Variants in CAND2 observed in about 807,000 individuals in gnomAD.
The protein encoded by CAND2 is cullin associated and neddylation dissociated 2 (putative).
Under a neutral mutation model 98.9 loss-of-function variants are expected in CAND2, and 62 were observed. That is an observed-to-expected ratio of 0.63 (90% CI 0.51 to 0.77). The LOEUF is 0.77. CAND2 is among the 30% of genes least tolerant of loss of function. The pLI is 0.00. For synonymous variants in CAND2, 770 were observed against 731.9 expected, an observed-to-expected ratio of 1.05 and a Z score of -0.84; for missense variants, 1,501 against 1,655.2, an observed-to-expected ratio of 0.91 and a Z score of 1.62.
chr3:12,822,578 C>T (rs562123486), intron 11 of CAND2, among the ~76,000 whole-genome samples: 4 of 152,144 alleles, frequency 2.6e-5, no homozygotes, highest in African/African-American at 4.8e-5. Context: ...GGATTCCAGA[C>T]GTGAGCCCCC....
At chr3:12,826,997 A>AT (rs1014399062) in intron 12 of CAND2, among the ~76,000 whole-genome samples, 6 of 151,934 alleles carry the variant, frequency 3.9e-5, no homozygotes, top group African/African-American at 9.7e-5. Context: ...TGCCCGGCTA[A>AT]TTTTTTTGTA....
In CAND2 at chr3:12,817,317, C is replaced by G. The variant is rs1167009704; in HGVS notation, c.2385C>G (p.Gly795=). Residue 795 remains glycine (G), a synonymous_variant, in exon 10 of 15, where the codon GGC becomes GGG. Coordinates refer to ENST00000456430, the MANE Select transcript of CAND2 (RefSeq NM_001162499.2). The part of the protein sequence containing the change: ...VYEQAVDGGP[G]LHKQVFHSLA... ...AGCAGGCTGTGGATGGTGGGCCTGGCCTGCACAAGCAGGTGTTCCACTCAT... is the reference window on the plus strand; with the variant it reads ...AGCAGGCTGTGGATGGTGGGCCTGGGCTGCACAAGCAGGTGTTCCACTCAT... 6.2e-7 allele frequency: 1 copy of G among 1,613,910 alleles called. No homozygotes were observed. The highest frequency in any genetic ancestry group is 1.3e-5 in the African/African-American group (1 of 75,068).
rs138301178 is a variant in CAND2 at position 12,821,212 on chromosome 3, C to T, written c.3040+1031C>T. Among the ~76,000 whole-genome samples the T allele has an allele frequency of 6.4e-3, 907 of 142,372 alleles. 8 individuals are homozygous for T. Among genetic ancestry groups the T allele is most frequent in the African/African-American group, 0.023 (857 of 37,220 alleles). The allele number at this position is 142,372 out of a possible 152,430, so 93.4% of individuals were successfully genotyped here. On this transcript the variant is annotated intron_variant, in intron 11 of 14. Coordinates refer to ENST00000456430, the MANE Select transcript of CAND2 (RefSeq NM_001162499.2). ...TTGCACCACTGCACTCTAGCCTGGG[C>T]GACAGAGCAAGACTCCGTCTCAAAA... is the stretch of plus-strand genomic sequence containing the variant.
rs1370091044 is a variant in CAND2 at position 12,815,579 on chromosome 3, C to T, written c.1299+146C>T. 1.1e-6 allele frequency: 1 copy of T among 910,888 alleles called. No individual in the cohort carries two copies. Among genetic ancestry groups the T allele is most frequent in the African/African-American group, 1.7e-5 (1 of 59,374 alleles). The allele number at this position is 910,888 out of a possible 1,614,324, so 56.4% of individuals were successfully genotyped here. ...GGTCCCTGGGGTGGGGGGCGGGAGC[C>T]AGCCAGGCTTCTGGAGTGTAGTAGT... On this transcript the variant is annotated intron_variant, in intron 8 of 14. Coordinates refer to ENST00000456430, the MANE Select transcript of CAND2 (RefSeq NM_001162499.2). This position sits in a 1 kb window ranked among gnomAD's most constrained non-coding sequence, Gnocchi z 5.7.
At chr3:12,798,711 C>T (rs1368049966) in intron 1 of CAND2, among the ~76,000 whole-genome samples, 1 of 152,200 alleles carries the variant, frequency 6.6e-6, no homozygotes, top group East Asian at 1.9e-4. Flanking sequence ...CCCGAGAAGC[C>T]CTTTCAGCCT....
chr3:12,809,035 C>A (rs1304019103), intron 4 of CAND2, among the ~76,000 whole-genome samples: 1 of 152,076 alleles, frequency 6.6e-6, no homozygotes, highest in Non-Finnish European at 1.5e-5. Flanking sequence ...GGGGATTGAA[C>A]AGGCAGGGGA....
rs1281678168 is a variant in CAND2, at chr3:12,834,173, G to A, written c.*191G>A. The A allele has an allele frequency of 6.7e-6, 4 of 598,374 alleles. No individual in the cohort carries two copies. The highest frequency in any genetic ancestry group is 8.9e-6 in the Non-Finnish European group (3 of 336,994). 37.1% of individuals were successfully genotyped at this position (598,374 alleles called of 1,614,324 possible). ...CTCAAAGGCCCCCAGCCCAAGCTGT[G>A]AGGCTGCCAACAGTTGGGCCCCTTC... On this transcript the variant is annotated 3_prime_UTR_variant, in exon 15 of 15. Transcript: ENST00000456430.
intron 11 of CAND2, among the ~76,000 whole-genome samples, chr3:12,821,049 C>A (rs1479693285): frequency 6.6e-6 from 1 of 152,128 alleles, no homozygotes; most frequent in Non-Finnish European, 1.5e-5. Context: ...GCCTGGCCAA[C>A]ACGGTGAAAC....
At chr3:12,812,219 A>ATTTTTTTTTTTT (rs1575768881) in intron 5 of CAND2, among the ~76,000 whole-genome samples, 68 of 45,600 alleles carry the variant, frequency 1.5e-3, no homozygotes, top group Non-Finnish European at 2.1e-3. Context: ...TAAGCTGTTT[A>ATTTTTTTTTTTT]TCTTTTTTTT....
rs1312741117 is a variant in CAND2, at chr3:12,813,436, G to A, written c.1006+48G>A. 6.3e-6 allele frequency: 10 copies of A among 1,576,062 alleles called. No homozygotes were observed. In the East Asian group the frequency reaches 2.2e-4, roughly 35 times the overall value. On this transcript the variant is annotated intron_variant, in intron 7 of 14. Coordinates refer to ENST00000456430, the MANE Select transcript of CAND2 (RefSeq NM_001162499.2). Reference sequence around the variant, plus strand: ...GGGTTGGAGGGTGGAGGTGAACACAGCCTTCCTGGGATCCCCCAACCAAAG... The same window carrying A: ...GGGTTGGAGGGTGGAGGTGAACACAACCTTCCTGGGATCCCCCAACCAAAG...
chr3:12,832,324 CT>C (rs540730088), intron 14 of CAND2: 2 of 152,166 alleles, frequency 1.3e-5, no homozygotes, highest in Non-Finnish European at 2.9e-5. Context: ...CAAAAAAACA[CT>C]TCTACAGGGC....
At chr3:12,824,714 C>T (rs987101138) in intron 11 of CAND2, among the ~76,000 whole-genome samples, 1 of 152,124 alleles carries the variant, frequency 6.6e-6, no homozygotes, top group African/African-American at 2.4e-5. Flanking sequence ...TCGAGACCAG[C>T]CTGGCCAACA....
intron 1 of CAND2, among the ~76,000 whole-genome samples, chr3:12,798,023 A>G (rs2061738783): frequency 6.6e-6 from 1 of 152,154 alleles, no homozygotes; most frequent in African/African-American, 2.4e-5. Flanking sequence ...CCGTGTGACC[A>G]TGGACAAGTA....
At chr3:12,802,446 G>A (rs2061773251) in intron 1 of CAND2, among the ~76,000 whole-genome samples, 1 of 152,236 alleles carries the variant, frequency 6.6e-6, no homozygotes, top group African/African-American at 2.4e-5. Flanking sequence ...CACACCATGT[G>A]CACTTAAAAC....
At position 12,833,998 on chromosome 3, in the gene CAND2, G is replaced by C. The variant is rs1270471281; in HGVS notation, c.*16G>C. 3 of 1,606,984 alleles carry C rather than the reference G, an allele frequency of 1.9e-6. No homozygotes were observed. The highest frequency in any genetic ancestry group is 2.6e-6 in the Non-Finnish European group (3 of 1,173,760). On this transcript the variant is annotated 3_prime_UTR_variant, in exon 15 of 15. Transcript: ENST00000456430. ...GCTCAGCTAGTCCCCTCAGCACCAA[G>C]GTGGGCCCTCGCTTAAGAGAAAGGA...
At chr3:12,808,000 C>T (rs150500031) in intron 3 of CAND2, among the ~76,000 whole-genome samples, 33 of 152,334 alleles carry the variant, frequency 2.2e-4, no homozygotes, top group African/African-American at 7.7e-4. Context: ...GTGTAAGTCA[C>T]CCAGAAGCTC....
At chr3:12,831,154 A>G (rs2062050772) in intron 13 of CAND2, among the ~76,000 whole-genome samples, 1 of 152,168 alleles carries the variant, frequency 6.6e-6, no homozygotes. Flanking sequence ...GGCCACACTC[A>G]GCCAGAGCTG....
intron 2 of CAND2, among the ~76,000 whole-genome samples, chr3:12,803,874 G>A (rs890285661): frequency 6.6e-6 from 1 of 152,172 alleles, no homozygotes; most frequent in Non-Finnish European, 1.5e-5. Context: ...GGAAAGGGAA[G>A]AGGACCAATC....
intron 1 of CAND2, among the ~76,000 whole-genome samples, chr3:12,802,315 A>C (rs2061772354): frequency 6.6e-6 from 1 of 151,804 alleles, no homozygotes; most frequent in Non-Finnish European, 1.5e-5. Flanking sequence ...CAACAGAGCA[A>C]GACTCCATCT....
Sources: allele counts gnomAD v4.1 joint callset (sites outside exome capture counted in the v4.1 genomes callset), GRCh38; gene constraint gnomAD v4.1.1; non-coding constraint Gnocchi (gnomAD v3.1); transcripts MANE v1.5; gene names NCBI Gene and HGNC (gene_info 2026-07-23, HGNC 2026-07-21).